The following PDE7B variants were observed in gnomAD, a reference collection of about 807,000 sequenced individuals.
The protein encoded by PDE7B is phosphodiesterase 7B, also known as 3',5'-cyclic-AMP phosphodiesterase 7B.
A neutral mutation model predicts 56.2 loss-of-function variants in PDE7B; 29 were observed. The observed-to-expected ratio is 0.52, with a 90% CI of 0.38 to 0.70. PDE7B has a LOEUF of 0.70. PDE7B is among the 30% of genes least tolerant of loss of function. The pLI, the probability that PDE7B is intolerant of heterozygous loss-of-function variation, is 0.00. For synonymous variants in PDE7B, 197 were observed against 196.9 expected, an observed-to-expected ratio of 1.00 and a Z score of 0.00; for missense variants, 490 against 565.0, an observed-to-expected ratio of 0.87 and a Z score of 1.35.
chr6:135,960,234 G>T lies in PDE7B; in HGVS notation c.82+12710G>T, dbSNP rs141258638. On this transcript the variant is annotated intron_variant, in intron 2 of 12. Transcript: ENST00000308191. ...CCATACAAATTTGTGTAAATTTCTA[G>T]GACATAACAATAAATAAAGGATTTT... 5.0e-3 allele frequency among the ~76,000 whole-genome samples: 762 copies of T among 152,210 alleles called. 9 individuals carry two copies. Among genetic ancestry groups the T allele is most frequent in the African/African-American group, 0.016 (666 of 41,522 alleles).
In PDE7B at chr6:135,905,989, G is replaced by C. The variant is rs138462881; in HGVS notation, c.22-41475G>C. On this transcript the variant is annotated intron_variant, in intron 1 of 12. Transcript: ENST00000308191. ...TCTTCTTTGTTCAAATTATAAAGAA[G>C]AGTCCCACATGTTCGGAAAACTTCA... Among the ~76,000 whole-genome samples, 713 of 152,260 alleles carry C rather than the reference G, an allele frequency of 4.7e-3. 5 individuals carry two copies. Among genetic ancestry groups the C allele is most frequent in the Non-Finnish European group, 8.5e-3 (576 of 68,010 alleles).
intron 1 of PDE7B, among the ~76,000 whole-genome samples, chr6:135,937,365 G>A (rs935301881): frequency 1.3e-5 from 2 of 152,138 alleles, no homozygotes; most frequent in African/African-American, 4.8e-5. Context: ...TCTGGCCCCT[G>A]CCAACTTCCC....
chr6:136,191,025 T>TTTTTTTTTTTTTTTTTTTTTTTC (rs1430345478), intron 12 of PDE7B, among the ~76,000 whole-genome samples: 1 of 148,004 alleles, frequency 6.8e-6, no homozygotes, highest in African/African-American at 2.6e-5. Flanking sequence ...TTTTTTTTTT[T>TTTTTTTTTTTTTTTTTTTTTTTC]TTTTTTTTTT....
intron 2 of PDE7B, among the ~76,000 whole-genome samples, chr6:136,100,771 C>T (rs1216771982): frequency 6.6e-6 from 1 of 152,150 alleles, no homozygotes; most frequent in African/African-American, 2.4e-5. Flanking sequence ...CTTTCTCTTG[C>T]CTGATTGCCC....
chr6:135,904,277 T>G (rs934431451), intron 1 of PDE7B, among the ~76,000 whole-genome samples: 1 of 152,212 alleles, frequency 6.6e-6, no homozygotes, highest in Non-Finnish European at 1.5e-5. Flanking sequence ...TGGAAACCAA[T>G]GCTCCCAAGA....
chr6:135,970,910 G>T (rs1278031929), intron 2 of PDE7B, among the ~76,000 whole-genome samples: 2 of 152,112 alleles, frequency 1.3e-5, no homozygotes, highest in African/African-American at 4.8e-5. Context: ...AAAGAGGGAA[G>T]CGTGCATCCT....
At chr6:135,993,183 T>A (rs1775504493) in intron 2 of PDE7B, 1 of 152,242 alleles carries the variant, frequency 6.6e-6, no homozygotes, top group South Asian at 2.1e-4. Context: ...ATAGGTGGAC[T>A]CAACTGGTGA....
At chr6:136,106,018 C>A (rs1166689852) in intron 2 of PDE7B, among the ~76,000 whole-genome samples, 1 of 151,684 alleles carries the variant, frequency 6.6e-6, no homozygotes, top group Admixed American at 6.6e-5. Flanking sequence ...GCCCAGCCAG[C>A]TTTGTAGATA....
intron 5 of PDE7B, among the ~76,000 whole-genome samples, chr6:136,150,888 A>T (rs1778501044): frequency 8.1e-6 from 1 of 122,936 alleles, no homozygotes. Context: ...TGTATCCCTG[A>T]CACCTCAGTA....
At chr6:136,038,521 C>G in intron 2 of PDE7B, 1 of 1,278,072 alleles carries the variant, frequency 7.8e-7, no homozygotes. Flanking sequence ...CTCTCCGCAG[C>G]TTTCCAGGTA....
At chr6:135,936,394 T>C (rs986254699) in intron 1 of PDE7B, among the ~76,000 whole-genome samples, 1 of 152,206 alleles carries the variant, frequency 6.6e-6, no homozygotes, top group Non-Finnish European at 1.5e-5. Context: ...AATTGCAGTG[T>C]AAATCAGGAA....
At chr6:135,984,788 A>G (rs1775349628) in intron 2 of PDE7B, among the ~76,000 whole-genome samples, 1 of 152,140 alleles carries the variant, frequency 6.6e-6, no homozygotes. Flanking sequence ...CAACATAGAA[A>G]TGGTTGCTGT....
intron 1 of PDE7B, among the ~76,000 whole-genome samples, chr6:135,902,331 G>GC (rs1554265218): frequency 2.7e-5 from 4 of 147,698 alleles, no homozygotes; most frequent in Non-Finnish European, 4.5e-5. Context: ...TTATGTGAAG[G>GC]TTTTTTTTTT....
chr6:136,101,142 G>A (rs1276318893), intron 2 of PDE7B, among the ~76,000 whole-genome samples: 1 of 152,208 alleles, frequency 6.6e-6, no homozygotes, highest in Admixed American at 6.5e-5. Context: ...TAAGCTTTTT[G>A]ATGTGCTGCT....
chr6:136,055,758 C>A (rs889401243), intron 2 of PDE7B, among the ~76,000 whole-genome samples: 1 of 152,164 alleles, frequency 6.6e-6, no homozygotes, highest in Admixed American at 6.5e-5. Context: ...GACATTGTTT[C>A]TGAGACCACT....
At chr6:135,892,039 T>C (rs1184824763) in intron 1 of PDE7B, among the ~76,000 whole-genome samples, 1 of 152,210 alleles carries the variant, frequency 6.6e-6, no homozygotes, top group African/African-American at 2.4e-5. Context: ...TGGATTTGAA[T>C]TGATTTTCCT....
intron 12 of PDE7B, among the ~76,000 whole-genome samples, chr6:136,190,107 T>TA (rs1779198774): frequency 6.6e-6 from 1 of 152,230 alleles, no homozygotes; most frequent in Non-Finnish European, 1.5e-5. Context: ...AGCGTCTTTT[T>TA]AGATATCTAA....
intron 2 of PDE7B, among the ~76,000 whole-genome samples, chr6:136,082,259 C>G (rs1224685958): frequency 6.6e-6 from 1 of 152,188 alleles, no homozygotes; most frequent in East Asian, 1.9e-4. Flanking sequence ...TCCTGTTTTT[C>G]AGTTGCCTCT....
chr6:135,891,286 A>T (rs951048930), intron 1 of PDE7B, among the ~76,000 whole-genome samples: 3 of 152,248 alleles, frequency 2.0e-5, no homozygotes, highest in Non-Finnish European at 4.4e-5. Flanking sequence ...GATTAGAAAA[A>T]GAATCTGAAA....
Sources: allele counts gnomAD v4.1 joint callset (sites outside exome capture counted in the v4.1 genomes callset), GRCh38; gene constraint gnomAD v4.1.1; transcripts MANE v1.5; gene names NCBI Gene and HGNC (gene_info 2026-07-23, HGNC 2026-07-21).